Variants in SLC16A7 observed in about 807,000 individuals in gnomAD.
SLC16A7 encodes solute carrier family 16 member 7, also known as monocarboxylate transporter 2.
Under a neutral mutation model 34.9 loss-of-function variants are expected in SLC16A7, and 33 were observed. The observed-to-expected ratio is 0.94, with a 90% CI of 0.72 to 1.26. The LOEUF (loss-of-function observed/expected upper bound fraction) is 1.26. Among genes scored for constraint, SLC16A7 ranks in the 50% most tolerant of loss-of-function variants. The pLI is 0.00. For missense variants in SLC16A7, 573 were observed against 578.1 expected (o/e 0.99, Z 0.09); for synonymous variants, 201 against 206.6 (o/e 0.97, Z 0.23).
chr12:59,628,535 G>A (rs955976884), intron 1 of SLC16A7, among the ~76,000 whole-genome samples: 11 of 151,898 alleles, frequency 7.2e-5, no homozygotes, highest in African/African-American at 2.4e-4. Context: ...TCATAGAGCC[G>A]TAAACAAACC....
intron 3 of SLC16A7, among the ~76,000 whole-genome samples, chr12:59,713,016 TTTTTC>T (rs1269539882): frequency 6.6e-6 from 1 of 151,854 alleles, no homozygotes; most frequent in Non-Finnish European, 1.5e-5. Context: ...CTTTTCTTTT[TTTTTC>T]TTTTCTTTTC....
In SLC16A7 at chr12:59,788,687, G is replaced by A. The variant is rs1247596923; in HGVS notation, c.*9008G>A. The stretch of plus-strand genomic sequence containing the variant: ...TTAAAGTATTGTTATGTGATCTTGG[G>A]ATACTTATTTATTTTTGAAATTTTT... On this transcript the variant is annotated 3_prime_UTR_variant, in exon 6 of 6. Coordinates refer to ENST00000547379, the MANE Select transcript of SLC16A7 (RefSeq NM_001270623.2). 6.6e-6 allele frequency: 1 copy of A among 151,810 alleles called. No homozygotes were observed. Among genetic ancestry groups the A allele is most frequent in the Non-Finnish European group, 1.5e-5 (1 of 67,882 alleles). 9.4% of individuals were successfully genotyped at this position (151,810 alleles called of 1,614,324 possible).
At chr12:59,735,886 T>C in intron 3 of SLC16A7, 1 of 1,100,948 alleles carries the variant, frequency 9.1e-7, no homozygotes, top group Non-Finnish European at 1.2e-6. Flanking sequence ...AACTAACCTT[T>C]CAAATGGCCC....
chr12:59,633,244 A>G (rs1159043331), intron 1 of SLC16A7, among the ~76,000 whole-genome samples: 5 of 152,030 alleles, frequency 3.3e-5, no homozygotes, highest in Non-Finnish European at 7.4e-5. Context: ...ACCCTACTCT[A>G]TTCTATTTTC....
At chr12:59,648,146 A>T (rs1333351074) in intron 1 of SLC16A7, among the ~76,000 whole-genome samples, 1 of 152,188 alleles carries the variant, frequency 6.6e-6, no homozygotes, top group African/African-American at 2.4e-5. Flanking sequence ...GGATGATGTT[A>T]GAACTGTAAT....
chr12:59,609,902 C>T (rs1185100970), intron 1 of SLC16A7, among the ~76,000 whole-genome samples: 1 of 152,118 alleles, frequency 6.6e-6, no homozygotes, highest in Non-Finnish European at 1.5e-5. Context: ...AGGCAGGTAA[C>T]AAACTTGGTG....
At chr12:59,733,622 C>G in intron 3 of SLC16A7, 8 of 434,350 alleles carry the variant, frequency 1.8e-5, no homozygotes, top group South Asian at 1.3e-4. Context: ...CCCAAAGGGC[C>G]ACAGCTCCTC....
intron 1 of SLC16A7, among the ~76,000 whole-genome samples, chr12:59,650,035 C>A (rs1274143775): frequency 6.6e-6 from 1 of 151,940 alleles, no homozygotes; most frequent in Admixed American, 6.6e-5. Flanking sequence ...CAAGGCATTG[C>A]ATTGTATTAA....
chr12:59,758,663 G>A (rs529246087), intron 3 of SLC16A7, among the ~76,000 whole-genome samples: 1 of 152,174 alleles, frequency 6.6e-6, no homozygotes, highest in African/African-American at 2.4e-5. Context: ...TATTTGAGAA[G>A]AATGTGTAAA....
rs1241958512 is a variant in SLC16A7 at position 59,764,495 on chromosome 12, A to G, written c.218-6724A>G. ...TATCCCTCCCCCCTCCCCCTCCACC[A>G]CAACAGTCCCCGGTGTGTGATGTTC... On this transcript the variant is annotated intron_variant, in intron 3 of 5. Transcript: ENST00000547379. 4.5e-5 allele frequency among the ~76,000 whole-genome samples: 3 copies of G among 66,272 alleles called. No individual in the cohort carries two copies. In the Admixed American group the frequency reaches 6.4e-4, roughly 14 times the overall value. The allele number at this position is 66,272 out of a possible 152,430, so 43.5% of individuals were successfully genotyped here.
chr12:59,609,931 TAC>T (rs1436044426), intron 1 of SLC16A7, among the ~76,000 whole-genome samples: 1 of 152,144 alleles, frequency 6.6e-6, no homozygotes, highest in Non-Finnish European at 1.5e-5. Context: ...GTGCCAAACA[TAC>T]AGTTACAGAG....
chr12:59,779,033 A>C (rs1883024772), intron 5 of SLC16A7, among the ~76,000 whole-genome samples: 1 of 152,076 alleles, frequency 6.6e-6, no homozygotes, highest in Non-Finnish European at 1.5e-5. Flanking sequence ...TATTGAAGAG[A>C]AAAGGAAGCA....
chr12:59,745,981 A>G (rs1333175136), intron 3 of SLC16A7, among the ~76,000 whole-genome samples: 1 of 152,192 alleles, frequency 6.6e-6, no homozygotes, highest in African/African-American at 2.4e-5. Context: ...TCACATGATG[A>G]ATGGGACATG....
At chr12:59,767,916 G>C (rs113978630) in intron 3 of SLC16A7, among the ~76,000 whole-genome samples, 356 of 144,496 alleles carry the variant, frequency 2.5e-3, no homozygotes, top group Non-Finnish European at 4.3e-3. Flanking sequence ...ACACAGGAAG[G>C]GGAACATCAC....
At position 59,779,496 on chromosome 12, in the gene SLC16A7, C is replaced by A. The variant is rs952553480; in HGVS notation, c.1254C>A (p.Ser418Arg). 4 of 1,608,784 alleles carry A rather than the reference C, an allele frequency of 2.5e-6. No homozygotes were observed. Among genetic ancestry groups the A allele is most frequent in the African/African-American group, 2.7e-5 (2 of 74,750 alleles). The change falls in exon 6 of 6, where the codon AGC becomes AGA. Residue 418 changes from serine to arginine, a missense_variant. Transcript: ENST00000547379. ...GTGGGGCTATTGTGGTAGCAGCAAG[C>A]GTGTGGCTGCTCATTGGCAATGCTA... ...MSCGAIVVAASVWLLIGNAIN... is the reference protein window; with the variant it reads ...MSCGAIVVAARVWLLIGNAIN...
At chr12:59,631,828 C>T (rs796395854) in intron 1 of SLC16A7, among the ~76,000 whole-genome samples, 7 of 152,046 alleles carry the variant, frequency 4.6e-5, no homozygotes, top group African/African-American at 1.7e-4. Context: ...TTTAAAGCAC[C>T]GTTCCATGTA....
intron 5 of SLC16A7, among the ~76,000 whole-genome samples, chr12:59,777,544 G>A (rs1332182749): frequency 2.6e-5 from 4 of 151,676 alleles, no homozygotes; most frequent in African/African-American, 9.7e-5. Context: ...CTTTAGTTCT[G>A]GAAAGCATAT....
At chr12:59,728,764 G>C (rs757582672) in intron 3 of SLC16A7, among the ~76,000 whole-genome samples, 4 of 152,164 alleles carry the variant, frequency 2.6e-5, no homozygotes, top group African/African-American at 4.8e-5. Flanking sequence ...GCAATGTTTA[G>C]ATAATGAATG....
chr12:59,714,563 CTCTT>C (rs1246691853), intron 3 of SLC16A7, among the ~76,000 whole-genome samples: 1 of 151,510 alleles, frequency 6.6e-6, no homozygotes, highest in East Asian at 2.0e-4. Flanking sequence ...CTCTCTCTCT[CTCTT>C]TTTTTTTTTC....
Sources: gnomAD v4.1 joint callset for allele counts (sites outside exome capture counted in the v4.1 genomes callset) on GRCh38, gnomAD v4.1.1 for gene constraint, MANE v1.5 for transcripts, NCBI Gene and HGNC (gene_info 2026-07-23, HGNC 2026-07-21) for gene names.